The following MTO1 variants were observed in gnomAD, a reference collection of about 807,000 sequenced individuals.
The protein encoded by MTO1 is mitochondrial tRNA translation optimization 1, also known as 5-taurinomethyluridine-[tRNA] synthase subunit MTO1, mitochondrial.
MTO1 carries 46 observed loss-of-function variants against 71.6 expected under a neutral mutation model. That is an observed-to-expected ratio of 0.64 (90% CI 0.51 to 0.82). The LOEUF is 0.82. MTO1 is among the 40% of genes least tolerant of loss of function. MTO1 has a pLI of 0.00. For synonymous variants in MTO1, 297 were observed against 312.1 expected, an observed-to-expected ratio of 0.95 and a Z score of 0.51; for missense variants, 773 against 867.5, an observed-to-expected ratio of 0.89 and a Z score of 1.37.
In MTO1 at chr6:73,506,814, G is replaced by C. The variant is rs1320620729; in HGVS notation, c.*6079G>C. The C allele has an allele frequency of 2.1e-5, 3 of 140,296 alleles. No homozygotes were observed. Among genetic ancestry groups the C allele is most frequent in the Non-Finnish European group, 4.6e-5 (3 of 65,412 alleles). The allele number at this position is 140,296 out of a possible 1,614,324, so 8.7% of individuals were successfully genotyped here. On this transcript the variant is annotated 3_prime_UTR_variant, in exon 12 of 12. Transcript: ENST00000498286. ...AGCGATTCTCTTGCCTCAGCCTCCT[G>C]AGTAGCTGGGATTACAGGCTTGTGC...
Position 73,501,403 on chromosome 6 carries a change from G to A in MTO1, c.*668G>A, listed in dbSNP as rs555780675. ...TACTTATTTGGTGACCTAGTTATGG[G>A]AGAATTGAGTAACGTTAGTTATTTT... On this transcript the variant is annotated 3_prime_UTR_variant, in exon 12 of 12. Coordinates refer to ENST00000498286, the MANE Select transcript of MTO1 (RefSeq NM_012123.4). 4 of 152,266 alleles carry A rather than the reference G, an allele frequency of 2.6e-5. No individual in the cohort carries two copies. Among genetic ancestry groups the A allele is most frequent in the African/African-American group, 7.2e-5 (3 of 41,548 alleles). 9.4% of individuals were successfully genotyped at this position (152,266 alleles called of 1,614,324 possible). A position where few individuals can be genotyped will look rare whatever the true frequency, so the allele number is the denominator to read the frequency against.
At chr6:73,474,245 C>T (rs1771243575) in intron 4 of MTO1, among the ~76,000 whole-genome samples, 1 of 151,626 alleles carries the variant, frequency 6.6e-6, no homozygotes, top group African/African-American at 2.4e-5. Context: ...CCACCACACC[C>T]GGCTAATTTT....
rs377104423 is a variant in MTO1, at chr6:73,482,432, C to T, written c.1466-17C>T. On this transcript the variant is annotated splice_polypyrimidine_tract_variant and intron_variant, in intron 8 of 11. Coordinates refer to ENST00000498286, the MANE Select transcript of MTO1 (RefSeq NM_012123.4). ...AAAACCACACTTCTCATTATATTCT[C>T]TTTCTCCCTTCCCTAGGGTATAAAG... is the stretch of plus-strand genomic sequence containing the variant. The T allele has an allele frequency of 1.9e-6, 3 of 1,601,480 alleles. No homozygotes were observed. The African/African-American group carries it at 4.0e-5, about 22-fold the overall frequency.
intron 3 of MTO1, among the ~76,000 whole-genome samples, chr6:73,469,562 C>T (rs934827609): frequency 6.6e-6 from 1 of 152,000 alleles, no homozygotes; most frequent in Admixed American, 6.6e-5. Context: ...GCGGAGGTTG[C>T]AGTGAGCCGA....
intron 4 of MTO1, among the ~76,000 whole-genome samples, chr6:73,475,432 G>A (rs1414010101): frequency 2.6e-5 from 4 of 151,538 alleles, no homozygotes; most frequent in South Asian, 2.1e-4. Flanking sequence ...ACAGGTGCCC[G>A]CCGCCATGCC....
rs938664416 is a variant in MTO1, at chr6:73,505,438, G to A, written c.*4703G>A. On this transcript the variant is annotated 3_prime_UTR_variant, in exon 12 of 12. Transcript: ENST00000498286. ...AAATACTGTATGATTCCCTTTATAA[G>A]AGTTACCTGGAGCACTCAAATTCAT... 2.6e-5 allele frequency: 4 copies of A among 152,236 alleles called. No homozygotes were observed. Among genetic ancestry groups the A allele is most frequent in the African/African-American group, 7.2e-5 (3 of 41,456 alleles). 9.4% of individuals were successfully genotyped at this position (152,236 alleles called of 1,614,324 possible).
At chr6:73,464,280 G>A (rs1770913913) in intron 1 of MTO1, 1 of 152,142 alleles carries the variant, frequency 6.6e-6, no homozygotes, top group Admixed American at 6.6e-5. Flanking sequence ...AAGGAAGAAG[G>A]AGGAAAATAA....
At chr6:73,493,857 G>T (rs1274843922) in intron 10 of MTO1, among the ~76,000 whole-genome samples, 1 of 152,104 alleles carries the variant, frequency 6.6e-6, no homozygotes. Context: ...CTCTTGGTCA[G>T]TTTATAGACC....
At chr6:73,468,689 C>A (rs1275448821) in intron 3 of MTO1, among the ~76,000 whole-genome samples, 2 of 151,760 alleles carry the variant, frequency 1.3e-5, no homozygotes, top group African/African-American at 2.4e-5. Context: ...CTCACTGCAA[C>A]CTCCATCTCC....
chr6:73,488,625 G>A (rs1271782503), intron 9 of MTO1, among the ~76,000 whole-genome samples: 1 of 151,904 alleles, frequency 6.6e-6, no homozygotes, highest in South Asian at 2.1e-4. Flanking sequence ...AAAATTTAAT[G>A]TAGGCTGGGC....
intron 4 of MTO1, among the ~76,000 whole-genome samples, chr6:73,475,281 T>G (rs1771280654): frequency 6.6e-6 from 1 of 151,568 alleles, no homozygotes; most frequent in Non-Finnish European, 1.5e-5. Flanking sequence ...GTTTTTTGTT[T>G]TGTTTTGTTT....
Position 73,469,025 on chromosome 6 carries a change from T to G in MTO1, c.535+2419T>G, listed in dbSNP as rs528899253. Reference sequence around the variant, plus strand: ...GTTGACTTCTTTGCGTTTTTGGTTTTGGAGACAGGGTCTTACTCTGTCACC... The same window carrying G: ...GTTGACTTCTTTGCGTTTTTGGTTTGGGAGACAGGGTCTTACTCTGTCACC... On this transcript the variant is annotated intron_variant, in intron 3 of 11. Transcript: ENST00000498286. 2.0e-5 allele frequency among the ~76,000 whole-genome samples: 3 copies of G among 152,142 alleles called. No homozygotes were observed. In the South Asian group the frequency reaches 6.2e-4, roughly 32 times the overall value.
intron 9 of MTO1, chr6:73,486,854 G>T (rs1319622852): frequency 1.7e-5 from 3 of 172,644 alleles, no homozygotes; most frequent in Admixed American, 6.1e-5. Flanking sequence ...CACTTTGGGA[G>T]GCTAAGGTGG....
chr6:73,474,551 C>G (rs1408899723), intron 4 of MTO1, among the ~76,000 whole-genome samples: 3 of 152,082 alleles, frequency 2.0e-5, no homozygotes, highest in African/African-American at 4.8e-5. Context: ...TGGGTTCAAG[C>G]GATTCTCCCA....
At chr6:73,488,027 G>C (rs1404393472) in intron 9 of MTO1, 1 of 152,114 alleles carries the variant, frequency 6.6e-6, no homozygotes, top group Admixed American at 6.6e-5. Flanking sequence ...CCATCCTAGT[G>C]GATGTGAGGT....
At chr6:73,491,572 G>T (rs1347037854) in intron 9 of MTO1, among the ~76,000 whole-genome samples, 1 of 152,146 alleles carries the variant, frequency 6.6e-6, no homozygotes, top group Admixed American at 6.6e-5. Context: ...GCAAAAGGAT[G>T]ACTAATTCAC....
chr6:73,464,659 TAAAA>T lies in MTO1; in HGVS notation c.218-1536_218-1533del, dbSNP rs765324304. Among the ~76,000 whole-genome samples the T allele has an allele frequency of 2.5e-3, 281 of 113,874 alleles. 1 individual carries two copies. The highest frequency in any genetic ancestry group is 7.7e-3 in the African/African-American group (244 of 31,776). 74.7% of individuals were successfully genotyped at this position (113,874 alleles called of 152,430 possible). A position where few individuals can be genotyped will look rare whatever the true frequency, so the allele number is the denominator to read the frequency against. ...ACACCCAAGAATGATCAATAAATAC[TAAAA>T]AAAAAAAAAAAAAGAAAGAAAATTA... On this transcript the variant is annotated intron_variant, in intron 1 of 11. Transcript: ENST00000498286.
intron 1 of MTO1, among the ~76,000 whole-genome samples, chr6:73,464,679 AAG>A (rs1284070015): frequency 6.6e-6 from 1 of 151,218 alleles, no homozygotes; most frequent in Non-Finnish European, 1.5e-5. Context: ...AAAAAAAAGA[AAG>A]AAAATTAGCC....
In MTO1 at chr6:73,500,768, A is replaced by G. The variant is rs771883034; in HGVS notation, c.*33A>G. On this transcript the variant is annotated 3_prime_UTR_variant, in exon 12 of 12. Coordinates refer to ENST00000498286, the MANE Select transcript of MTO1 (RefSeq NM_012123.4). ...TTCATAAAAGATTTTTAAAGAGCAT[A>G]TAAATAATTTGATCAATACAACAGT... 8 of 1,509,424 alleles carry G rather than the reference A, an allele frequency of 5.3e-6. No homozygotes were observed. In the Admixed American group the frequency reaches 6.3e-5, roughly 12 times the overall value. The allele number at this position is 1,509,424 out of a possible 1,614,324, so 93.5% of individuals were successfully genotyped here.
Sources: allele counts gnomAD v4.1 joint callset (sites outside exome capture counted in the v4.1 genomes callset), GRCh38; gene constraint gnomAD v4.1.1; transcripts MANE v1.5; gene names NCBI Gene and HGNC (gene_info 2026-07-23, HGNC 2026-07-21).